Variants in SMG6 observed in about 807,000 individuals in gnomAD.
The protein encoded by SMG6 is telomerase-binding protein EST1A.
A neutral mutation model predicts 142.2 loss-of-function variants in SMG6; 66 were observed. The observed-to-expected ratio is 0.46, with a 90% confidence interval of 0.38 to 0.57. The LOEUF (loss-of-function observed/expected upper bound fraction) is 0.57, where lower values mean the gene tolerates loss of function less well. SMG6 is among the 20% of genes least tolerant of loss of function. SMG6 has a pLI of 0.00. For synonymous variants in SMG6, 779 were observed against 702.4 expected (o/e 1.11, Z -1.72); for missense variants, 1,793 against 1,832.0 (o/e 0.98, Z 0.39).
chr17:2,236,394 G>C lies in SMG6; in HGVS notation c.2869+98C>G. The C allele has an allele frequency of 6.5e-6, 8 of 1,224,348 alleles. 1 individual carries two copies. The South Asian group carries it at 1.2e-4, about 18-fold the overall frequency. 75.8% of individuals were successfully genotyped at this position (1,224,348 alleles called of 1,614,324 possible). ...GGGTGTGTGTGTTCGGGGGTGGGGT[G>C]GGGGGAGGTAGGTATGGTAGGTATG... On this transcript the variant is annotated intron_variant, in intron 10 of 18. Transcript: ENST00000263073.
intron 10 of SMG6, among the ~76,000 whole-genome samples, chr17:2,223,237 C>T (rs529514711): frequency 6.6e-6 from 1 of 152,342 alleles, no homozygotes; most frequent in South Asian, 2.1e-4. Flanking sequence ...GTGAACAGCA[C>T]GTGTCCGGAT....
intron 13 of SMG6, among the ~76,000 whole-genome samples, chr17:2,140,671 CA>C (rs10635640): frequency 5.0e-3 from 541 of 107,322 alleles, no homozygotes; most frequent in Middle Eastern, 0.017. Context: ...GATTCCATCT[CA>C]AAAAAAAAAA....
At chr17:2,276,584 CTA>C (rs2074654364) in intron 8 of SMG6, among the ~76,000 whole-genome samples, 1 of 152,012 alleles carries the variant, frequency 6.6e-6, no homozygotes, top group Non-Finnish European at 1.5e-5. Context: ...CAGGGTTTCA[CTA>C]TGTTGGTCAG....
At chr17:2,088,461 T>A in intron 13 of SMG6, 1 of 985,356 alleles carries the variant, frequency 1.0e-6, no homozygotes, top group South Asian at 4.7e-5. Context: ...AGAAGGAAAT[T>A]GGTTTCCTTG....
chr17:2,182,237 G>A (rs1295155556), intron 12 of SMG6, among the ~76,000 whole-genome samples: 1 of 152,194 alleles, frequency 6.6e-6, no homozygotes, highest in Non-Finnish European at 1.5e-5. Flanking sequence ...TGAAAAGTTT[G>A]AGGCTGTAGA....
In SMG6 at chr17:2,217,115, T is replaced by C. The variant is rs539069762; in HGVS notation, c.2869+19377A>G. Among the ~76,000 whole-genome samples the C allele has an allele frequency of 2.0e-5, 3 of 152,246 alleles. No homozygotes were observed. The East Asian group carries it at 5.8e-4, about 29-fold the overall frequency. On this transcript the variant is annotated intron_variant, in intron 10 of 18. Coordinates refer to ENST00000263073, the MANE Select transcript of SMG6 (RefSeq NM_017575.5). ...ACAAGGTACTGGACGTAGAAACAGG[T>C]TTGGAAATGGTTAAGTAATTTGCAT...
rs879276794 is a variant in SMG6, at chr17:2,198,556, T to C, written c.2870-10041A>G. Among the ~76,000 whole-genome samples, 15 of 152,280 alleles carry C rather than the reference T, an allele frequency of 9.9e-5. No homozygotes were observed. The East Asian group carries it at 1.9e-3, about 20-fold the overall frequency. On this transcript the variant is annotated intron_variant, in intron 10 of 18. Coordinates refer to ENST00000263073, the MANE Select transcript of SMG6 (RefSeq NM_017575.5). ...ATGTCAGTTTCACGATGTTGATATA[T>C]ACTAAAGCTATGCAAGACATGAAAA...
In SMG6 at chr17:2,299,691, G is replaced by C; in HGVS notation, c.1062C>G (p.Phe354Leu). The C allele has an allele frequency of 6.2e-7, 1 of 1,614,102 alleles. No individual in the cohort carries two copies. The highest frequency in any genetic ancestry group is 8.5e-7 in the Non-Finnish European group (1 of 1,180,026). ...KEYRGTLRVT[F>L]DAEAMNKESP... ...ACTCTTTGTTCATGGCTTCTGCATC[G>C]AAAGTGACACGAAGAGTGCCTCGAT... Residue 354 changes from phenylalanine (F) to leucine (L), a missense_variant, in exon 2 of 19, where the codon TTC becomes TTG. Physicochemically the swap from Phe to Leu is conservative, Grantham distance 22 (BLOSUM62 0). This residue lies in a region of SMG6 where 1,597 missense variants were observed against 1,584.6 expected (regional missense o/e 1.01). Transcript: ENST00000263073. This position sits in a 1 kb window ranked among gnomAD's most constrained non-coding sequence, Gnocchi z 4.3.
rs912381472 is a variant in SMG6 at position 2,065,735 on chromosome 17, G to A, written c.3836-56C>T. ...CCTCAGCAATCAGCTTTCATCCTAG[G>A]CCTCTGTCCATTCACTTTCCCAGCC... On this transcript the variant is annotated intron_variant, in intron 16 of 18. Transcript: ENST00000263073. 2.1e-6 allele frequency: 3 copies of A among 1,442,786 alleles called. No homozygotes were observed. In the Admixed American group the frequency reaches 5.4e-5, roughly 26 times the overall value. 89.4% of individuals were successfully genotyped at this position (1,442,786 alleles called of 1,614,324 possible). A position where few individuals can be genotyped will look rare whatever the true frequency, so the allele number is the denominator to read the frequency against.
intron 8 of SMG6, chr17:2,244,982 C>T (rs1175476608): frequency 1.0e-5 from 5 of 486,676 alleles, no homozygotes; most frequent in African/African-American, 1.9e-5. Context: ...GGGGATGAGG[C>T]GGTGAATCCT....
chr17:2,066,694 C>CACAA (rs1375441508), intron 16 of SMG6, among the ~76,000 whole-genome samples: 1 of 150,750 alleles, frequency 6.6e-6, no homozygotes, highest in Non-Finnish European at 1.5e-5. Flanking sequence ...CACACACACA[C>CACAA]AATGCCCATG....
chr17:2,223,363 GAT>G (rs142524000), intron 10 of SMG6, among the ~76,000 whole-genome samples: 94 of 152,318 alleles, frequency 6.2e-4, no homozygotes, highest in African/African-American at 2.2e-3. Flanking sequence ...TAAGCTTCAA[GAT>G]ATGAGTCTTA....
Position 2,300,340 on chromosome 17 carries a change from G to A in SMG6, c.413C>T (p.Thr138Ile). The A allele has an allele frequency of 6.2e-7, 1 of 1,613,770 alleles. No individual in the cohort carries two copies. Among genetic ancestry groups the A allele is most frequent in the African/African-American group, 1.3e-5 (1 of 75,022 alleles). The change falls in exon 2 of 19, where the codon ACA (threonine) becomes ATA (isoleucine). Residue 138 changes from threonine to isoleucine, a missense_variant. Thr to Ile is a moderately conservative substitution (Grantham distance 89). Transcript: ENST00000263073. ...ATAGATCTGCAGGTCGGGTTTCTTT[G>A]TTCTTTTGATAATTTTTAGACTACG... Reference protein sequence around the residue: ...EDRSLKIIKRTKKPDLQIYQP... With the variant: ...EDRSLKIIKRIKKPDLQIYQP...
At chr17:2,201,645 C>T (rs1289782543) in intron 10 of SMG6, among the ~76,000 whole-genome samples, 1 of 149,224 alleles carries the variant, frequency 6.7e-6, no homozygotes, top group African/African-American at 2.5e-5. Context: ...CGCCACTGCA[C>T]TACAGCCTGG....
intron 13 of SMG6, among the ~76,000 whole-genome samples, chr17:2,122,175 A>T (rs755742249): frequency 6.6e-6 from 1 of 152,164 alleles, no homozygotes; most frequent in Non-Finnish European, 1.5e-5. Context: ...GGGGGAAGAG[A>T]GGGAGAGAGA....
rs540377115 is a variant in SMG6 at position 2,081,732 on chromosome 17, CTGCT to C, written c.3681+74_3681+77del. The C allele has an allele frequency of 2.0e-4, 316 of 1,542,938 alleles. 2 individuals are homozygous for C. The highest frequency in any genetic ancestry group is 2.6e-4 in the Non-Finnish European group (297 of 1,128,148). Reference sequence around the variant, plus strand: ...CTCACTCTTAGTGTCCTGCTCAGCTCTGCTCTCTGCCCACATCCTCTCATGCCCT... The same window carrying C: ...CTCACTCTTAGTGTCCTGCTCAGCTCCTCTGCCCACATCCTCTCATGCCCT... On this transcript the variant is annotated intron_variant, in intron 15 of 18. Coordinates refer to ENST00000263073, the MANE Select transcript of SMG6 (RefSeq NM_017575.5).
chr17:2,222,733 C>A (rs2073212902), intron 10 of SMG6, among the ~76,000 whole-genome samples: 1 of 152,014 alleles, frequency 6.6e-6, no homozygotes, highest in Non-Finnish European at 1.5e-5. Flanking sequence ...CAAAAAGAGA[C>A]CACTTAGGAG....
intron 15 of SMG6, among the ~76,000 whole-genome samples, chr17:2,077,965 TCAA>T (rs1228849298): frequency 6.6e-6 from 1 of 152,162 alleles, no homozygotes. Flanking sequence ...TGGGAACAGA[TCAA>T]AAAGCCTTAA....
At chr17:2,141,510 C>T (rs570585987) in intron 13 of SMG6, among the ~76,000 whole-genome samples, 1 of 152,338 alleles carries the variant, frequency 6.6e-6, no homozygotes, top group East Asian at 1.9e-4. Context: ...GGCACAATCA[C>T]AGCTCACTGT....
Sources: gnomAD v4.1 joint callset for allele counts (sites outside exome capture counted in the v4.1 genomes callset) on GRCh38, gnomAD v4.1.1 for gene constraint, gnomAD v4.1.1 regional missense constraint, Gnocchi (gnomAD v3.1) non-coding constraint, MANE v1.5 for transcripts, NCBI Gene and HGNC (gene_info 2026-07-23, HGNC 2026-07-21) for gene names.